Variants in ZMYM2 observed in about 807,000 individuals in gnomAD.
ZMYM2 encodes zinc finger MYM-type protein 2.
In ZMYM2, 56 loss-of-function variants were observed where a neutral mutation model predicts 162.8. That is an observed-to-expected ratio of 0.34 (90% confidence interval 0.28 to 0.43). The LOEUF (loss-of-function observed/expected upper bound fraction) is 0.43. ZMYM2 is among the 20% of genes least tolerant of loss of function. The pLI is 1.00. For synonymous variants in ZMYM2, 510 were observed against 541.6 expected, an observed-to-expected ratio of 0.94 and a Z score of 0.81; for missense variants, 1,275 against 1,621.8, an observed-to-expected ratio of 0.79 and a Z score of 3.67.
At chr13:19,988,598 G>A (rs1331305320) in intron 2 of ZMYM2, among the ~76,000 whole-genome samples, 3 of 151,998 alleles carry the variant, frequency 2.0e-5, no homozygotes, top group Admixed American at 1.3e-4. Flanking sequence ...CCTGGCCAAC[G>A]TGGTGAAACC....
chr13:19,945,374 C>T, the ZMYM2 span, among the ~76,000 whole-genome samples: 1 of 152,028 alleles, frequency 6.6e-6, no homozygotes, highest in East Asian at 1.9e-4. Context: ...GCCTTAGCCT[C>T]CCAAGTAGCT....
chr13:19,878,489 G>A, the ZMYM2 span, among the ~76,000 whole-genome samples: 1 of 147,954 alleles, frequency 6.8e-6, no homozygotes, highest in Non-Finnish European at 1.5e-5. Context: ...TATCTTGTTT[G>A]GAGAAATGTC....
chr13:20,067,569 T>C (rs1956775101), intron 21 of ZMYM2, among the ~76,000 whole-genome samples, 179 bp downstream of exon 21: 1 of 152,172 alleles, frequency 6.6e-6, no homozygotes, highest in Admixed American at 6.5e-5. Context: ...CCTTACCCAT[T>C]GCAGATAAGT....
At chr13:19,975,486 G>A (rs1246926214) in intron 2 of ZMYM2, among the ~76,000 whole-genome samples, 2 of 152,164 alleles carry the variant, frequency 1.3e-5, no homozygotes, top group Non-Finnish European at 2.9e-5. Flanking sequence ...CTATGTTGTA[G>A]TATGTATCAG....
chr13:20,041,628 G>T (rs971627677), intron 12 of ZMYM2, among the ~76,000 whole-genome samples: 3 of 152,116 alleles, frequency 2.0e-5, no homozygotes, highest in Admixed American at 1.3e-4. Flanking sequence ...TGTTTATGTG[G>T]TTGCTTTATA....
chr13:19,999,727 T>C (rs917771548), intron 3 of ZMYM2, among the ~76,000 whole-genome samples: 1 of 152,148 alleles, frequency 6.6e-6, no homozygotes, highest in South Asian at 2.1e-4. Flanking sequence ...AACAGCCAAA[T>C]TGTAAATGCA....
At chr13:19,969,540 A>C (rs1956118779) in intron 2 of ZMYM2, among the ~76,000 whole-genome samples, 1 of 152,212 alleles carries the variant, frequency 6.6e-6, no homozygotes, top group African/African-American at 2.4e-5. Flanking sequence ...TTATTGTGTT[A>C]GATGTATGAT....
At chr13:19,920,046 C>G in the ZMYM2 span, among the ~76,000 whole-genome samples, 1 of 152,260 alleles carries the variant, frequency 6.6e-6, no homozygotes, top group African/African-American at 2.4e-5. Flanking sequence ...TGGGCTCAAG[C>G]AATCCTCTAG....
rs7324021 is a variant in ZMYM2 at position 20,063,000 on chromosome 13, T to G, written c.3037+29T>G. 0.053 allele frequency: 83,911 copies of G among 1,579,024 alleles called. 2,559 individuals carry two copies. Among genetic ancestry groups the G allele is most frequent in the Middle Eastern group, 0.094 (566 of 5,996 alleles). The stretch of plus-strand genomic sequence containing the variant: ...CTCAAAACCTTTATGACTATGGAAT[T>G]TAGTTATGGAGTCAACTGTGGTTAT... On this transcript the variant is annotated intron_variant, in intron 18 of 24. Coordinates refer to ENST00000610343, the MANE Select transcript of ZMYM2 (RefSeq NM_197968.4).
chr13:19,872,505 G>A, the ZMYM2 span, among the ~76,000 whole-genome samples: 7 of 151,360 alleles, frequency 4.6e-5, no homozygotes, highest in South Asian at 4.2e-4. Flanking sequence ...AGCCAAGATC[G>A]GGCCACTGCA....
the ZMYM2 span, among the ~76,000 whole-genome samples, chr13:19,947,155 C>A: frequency 6.6e-6 from 1 of 152,052 alleles, no homozygotes; most frequent in Non-Finnish European, 1.5e-5. Flanking sequence ...CATTCTCCTG[C>A]CTCCACGCTA....
At chr13:19,982,895 C>A (rs1216886190) in intron 2 of ZMYM2, among the ~76,000 whole-genome samples, 1 of 152,108 alleles carries the variant, frequency 6.6e-6, no homozygotes, top group Non-Finnish European at 1.5e-5. Context: ...CTTGAATTCT[C>A]TCCTATCTTC....
At chr13:19,874,023 T>C in the ZMYM2 span, among the ~76,000 whole-genome samples, 1 of 152,088 alleles carries the variant, frequency 6.6e-6, no homozygotes, top group Non-Finnish European at 1.5e-5. Flanking sequence ...GAATCTTGGT[T>C]TTTGGGTGGA....
chr13:20,076,730 T>C (rs1416975683), intron 21 of ZMYM2, among the ~76,000 whole-genome samples: 2 of 150,692 alleles, frequency 1.3e-5, no homozygotes, highest in African/African-American at 5.0e-5. Context: ...TTAATTTAAT[T>C]TGTATGTAAA....
intron 2 of ZMYM2, among the ~76,000 whole-genome samples, chr13:19,967,686 T>C (rs1469222509): frequency 6.6e-6 from 1 of 152,232 alleles, no homozygotes; most frequent in African/African-American, 2.4e-5. Context: ...ATCTGAGCTG[T>C]AGTTCAGTCA....
At chr13:19,879,640 T>G in the ZMYM2 span, among the ~76,000 whole-genome samples, 1 of 152,228 alleles carries the variant, frequency 6.6e-6, no homozygotes, top group Non-Finnish European at 1.5e-5. Flanking sequence ...CCTTGAGATT[T>G]CATATAAATT....
rs149788428 is a variant in ZMYM2 at position 20,035,176 on chromosome 13, A to G, written c.2119+772A>G. Among the ~76,000 whole-genome samples the G allele has an allele frequency of 6.9e-3, 1,050 of 152,234 alleles. 9 individuals are homozygous for G. The highest frequency in any genetic ancestry group is 0.023 in the African/African-American group (950 of 41,532). ...ATTTTTTTCTGGATCTGCTTTTTCT[A>G]TGGATTCCTGACTGCTAGTTTGGAG... On this transcript the variant is annotated intron_variant, in intron 11 of 24. Transcript: ENST00000610343.
At chr13:20,060,915 T>A in intron 16 of ZMYM2, 138 bp from the exon 17 acceptor site, 1 of 782,668 alleles carries the variant, frequency 1.3e-6, no homozygotes, top group Non-Finnish European at 2.0e-6. Flanking sequence ...GTTAACATCT[T>A]AGTTTTGTAT....
At chr13:20,034,430 A>C in intron 11 of ZMYM2, 26 bp downstream of exon 11, 2 of 1,473,358 alleles carry the variant, frequency 1.4e-6, no homozygotes, top group African/African-American at 1.4e-5. Context: ...AGTGTTGTTC[A>C]TAACATTTAT....
Sources: allele counts gnomAD v4.1 joint callset (sites outside exome capture counted in the v4.1 genomes callset), GRCh38; gene constraint gnomAD v4.1.1; transcripts MANE v1.5; gene names NCBI Gene and HGNC (gene_info 2026-07-23, HGNC 2026-07-21).